PLOD1: variants seen among roughly 807,000 people sequenced by gnomAD.
PLOD1 encodes the protein lysine hydroxylase.
In PLOD1, 70 loss-of-function variants were observed where a neutral mutation model predicts 94.7. That is an observed-to-expected ratio of 0.74 (90% CI 0.61 to 0.90). The LOEUF is 0.90. Among genes scored for constraint, PLOD1 ranks in the 40% least tolerant of loss-of-function variants. The probability of loss-of-function intolerance (pLI) is 0.00; values close to 1 mark genes in which losing one functional copy is unlikely to be tolerated. For synonymous variants in PLOD1, 417 were observed against 400.2 expected (o/e 1.04, Z -0.50); for missense variants, 905 against 972.7 (o/e 0.93, Z 0.93).
intron 9 of PLOD1, among the ~76,000 whole-genome samples, chr1:11,959,423 G>A (rs570361892): frequency 6.7e-6 from 1 of 149,876 alleles, no homozygotes; most frequent in South Asian, 2.1e-4. Context: ...GTACCTGGTG[G>A]CAGTCAAATT....
At chr1:11,937,650 G>A (rs1196963257) in intron 1 of PLOD1, among the ~76,000 whole-genome samples, 3 of 152,186 alleles carry the variant, frequency 2.0e-5, no homozygotes, top group African/African-American at 7.2e-5. Flanking sequence ...GGACCAGACT[G>A]ATGACAGGGC....
At chr1:11,941,486 A>G (rs1333398321) in intron 1 of PLOD1, among the ~76,000 whole-genome samples, 1 of 149,656 alleles carries the variant, frequency 6.7e-6, no homozygotes, top group East Asian at 2.0e-4. Context: ...TATTATTATT[A>G]TTATTATTTT....
At position 11,934,850 on chromosome 1, in the gene PLOD1, C is replaced by T. The variant is rs1438879558; in HGVS notation, c.71C>T (p.Pro24Leu). ...GCCGAAGCGAAGGGCGACGCCAAGC[C>T]GGAGGGTGAGGGAGCGAAGGCCGGG... is the stretch of plus-strand genomic sequence containing the variant. ...LLAEAKGDAK[P>L]EDNLLVLTVA... is the part of the protein sequence containing the mutation. Residue 24 changes from proline (P) to leucine (L), a missense_variant, in exon 1 of 19, where the codon CCG becomes CTG. Transcript: ENST00000196061. 1.3e-6 allele frequency: 2 copies of T among 1,538,530 alleles called. No homozygotes were observed. The highest frequency in any genetic ancestry group is 1.7e-6 in the Non-Finnish European group (2 of 1,145,368).
chr1:11,935,673 G>A (rs1645573378), intron 1 of PLOD1, among the ~76,000 whole-genome samples: 1 of 149,346 alleles, frequency 6.7e-6, no homozygotes, highest in Non-Finnish European at 1.5e-5. Context: ...CGCCCAGGCT[G>A]GAATGCAGTG....
chr1:11,969,791 C>A (rs1645847682), intron 16 of PLOD1, among the ~76,000 whole-genome samples: 1 of 152,174 alleles, frequency 6.6e-6, no homozygotes. Context: ...TCAAGGCCAG[C>A]AAGAGACAGA....
At chr1:11,950,575 T>A (rs1055941191) in intron 4 of PLOD1, 55 bp downstream of exon 4, 20 of 1,545,518 alleles carry the variant, frequency 1.3e-5, no homozygotes, top group Middle Eastern at 2.2e-4. Context: ...ATCTACTGCC[T>A]TTGTGGGGAC....
Position 11,952,705 on chromosome 1 carries a change from C to T in PLOD1, c.549C>T (p.Tyr183=). The T allele has an allele frequency of 1.2e-6, 2 of 1,613,876 alleles. No homozygotes were observed. Among genetic ancestry groups the T allele is most frequent in the Non-Finnish European group, 1.7e-6 (2 of 1,179,770 alleles). ...GQDSDSDQLF[Y]TKIFLDPEKR... is the part of the protein sequence containing the mutation. ...ACAGCGACAGCGATCAGCTGTTTTA[C>T]ACCAAGATCTTCTTGGACCCGGAGA... The change falls in exon 5 of 19, where the codon TAC becomes TAT. Residue 183 remains tyrosine (Y), a synonymous_variant. Coordinates refer to ENST00000196061, the MANE Select transcript of PLOD1 (RefSeq NM_000302.4).
At chr1:11,969,903 T>C (rs776654154) in intron 16 of PLOD1, among the ~76,000 whole-genome samples, 1 of 152,042 alleles carries the variant, frequency 6.6e-6, no homozygotes, top group Non-Finnish European at 1.5e-5. Context: ...GTCCAGGGGT[T>C]TAAGACCAGC....
chr1:11,964,213 T>A lies in PLOD1; in HGVS notation c.1241T>A (p.Leu414Gln). 1 of 1,613,156 alleles carries A rather than the reference T, an allele frequency of 6.2e-7. No individual in the cohort carries two copies. The change falls in exon 12 of 19, where the codon CTG becomes CAG. Residue 414 changes from leucine (L) to glutamine (Q), a missense_variant. Transcript: ENST00000196061. ...CCGCTGATGACCCGGCATGGGAGGCTGTGGTCGAACTTCTGGGGGGCTCTC... is the reference window on the plus strand; with the variant it reads ...CCGCTGATGACCCGGCATGGGAGGCAGTGGTCGAACTTCTGGGGGGCTCTC... ...IAPLMTRHGRLWSNFWGALSA... is the reference protein window; with the variant it reads ...IAPLMTRHGRQWSNFWGALSA...
chr1:11,953,559 A>T (rs1645718053), intron 5 of PLOD1, among the ~76,000 whole-genome samples: 1 of 151,586 alleles, frequency 6.6e-6, no homozygotes, highest in Non-Finnish European at 1.5e-5. Context: ...TTGGAGGCCA[A>T]AGCGGGTGGA....
rs374597380 is a variant in PLOD1, at chr1:11,947,994, C to T, written c.95C>T (p.Thr32Met). 14 of 1,612,126 alleles carry T rather than the reference C, an allele frequency of 8.7e-6. No homozygotes were observed. Among genetic ancestry groups the T allele is most frequent in the Middle Eastern group, 1.6e-4 (1 of 6,078 alleles). The change falls in exon 2 of 19, where the codon ACG becomes ATG. Residue 32 changes from threonine (T) to methionine (M), a missense_variant. Transcript: ENST00000196061. The stretch of plus-strand genomic sequence containing the variant: ...TCTGCAGACAACCTTTTAGTCCTCA[C>T]GGTGGCCACTAAGGAGACCGAGGGA... ...AKPEDNLLVL[T>M]VATKETEGFR...
Position 11,952,752 on chromosome 1 carries a change from G to A in PLOD1, c.579+17G>A, listed in dbSNP as rs181015965. Reference sequence around the variant, plus strand: ...GAGAAGAGGGTAAGAGGCAGTGGGCGGGCCAAGGAGAGGGGGCTGGGGATC... The same window carrying A: ...GAGAAGAGGGTAAGAGGCAGTGGGCAGGCCAAGGAGAGGGGGCTGGGGATC... On this transcript the variant is annotated intron_variant, in intron 5 of 18. Coordinates refer to ENST00000196061, the MANE Select transcript of PLOD1 (RefSeq NM_000302.4). The A allele has an allele frequency of 7.1e-4, 1,118 of 1,568,090 alleles. 1 individual carries two copies. The highest frequency in any genetic ancestry group is 3.7e-3 in the Middle Eastern group (22 of 5,960).
At chr1:11,968,421 GAA>G (rs1485142918) in intron 16 of PLOD1, among the ~76,000 whole-genome samples, 3 of 151,976 alleles carry the variant, frequency 2.0e-5, no homozygotes, top group African/African-American at 7.2e-5. Context: ...TCACAGAAGA[GAA>G]ACTGCAGAAA....
chr1:11,970,724 A>T lies in PLOD1; in HGVS notation c.1810A>T (p.Asn604Tyr). 6.2e-7 allele frequency: 1 copy of T among 1,612,794 alleles called. No homozygotes were observed. Among genetic ancestry groups the T allele is most frequent in the Non-Finnish European group, 8.5e-7 (1 of 1,179,854 alleles). Residue 604 changes from asparagine to tyrosine, a missense_variant, in exon 17 of 19, where the codon AAC becomes TAC. Transcript: ENST00000196061. The stretch of plus-strand genomic sequence containing the variant: ...CGTGCCGACTATTGACATCCACATG[A>T]ACCAGATCGGCTTTGAGCGGGAGTG... The part of the protein sequence containing the change: ...ENVPTIDIHM[N>Y]QIGFEREWHK...
At chr1:11,961,470 C>T (rs1383443766) in intron 10 of PLOD1, among the ~76,000 whole-genome samples, 4 of 152,216 alleles carry the variant, frequency 2.6e-5, no homozygotes, top group Non-Finnish European at 5.9e-5. Context: ...GGCAAACTTC[C>T]TGCTAAGGAT....
At chr1:11,948,214 A>G in intron 2 of PLOD1, 147 bp downstream of exon 2, 1 of 699,244 alleles carries the variant, frequency 1.4e-6, no homozygotes, top group Non-Finnish European at 2.6e-6. Flanking sequence ...AAAATGAGTT[A>G]GTCGGGAATG....
chr1:11,950,390 G>A lies in PLOD1; in HGVS notation c.336G>A (p.Glu112=), dbSNP rs746999816. The A allele has an allele frequency of 2.5e-6, 4 of 1,614,186 alleles. No individual in the cohort carries two copies. In the East Asian group the frequency reaches 6.7e-5, roughly 27 times the overall value. ...TGCTGTTTGCATCGGGGCCCCGGGA[G>A]CTCCTGAAGAAGTTCCGGCAGGCCA... ...YDVLFASGPR[E]LLKKFRQARS... is the part of the protein sequence containing the mutation. The change falls in exon 4 of 19, where the codon GAG becomes GAA. Residue 112 remains glutamate (E), a synonymous_variant. Coordinates refer to ENST00000196061, the MANE Select transcript of PLOD1 (RefSeq NM_000302.4).
intron 5 of PLOD1, among the ~76,000 whole-genome samples, chr1:11,953,715 C>T (rs1169394096): frequency 1.3e-5 from 2 of 151,432 alleles, no homozygotes; most frequent in Admixed American, 6.6e-5. Context: ...TTGCTTGGAC[C>T]TGGGAGGCGG....
chr1:11,974,589 T>A, intron 18 of PLOD1, 64 bp from the exon 19 acceptor site: 1 of 1,517,868 alleles, frequency 6.6e-7, no homozygotes, highest in South Asian at 1.2e-5. Context: ...CAGGAGATCA[T>A]GACGGGAGAA....
Sources: gnomAD v4.1 joint callset for allele counts (sites outside exome capture counted in the v4.1 genomes callset) on GRCh38, gnomAD v4.1.1 for gene constraint, MANE v1.5 for transcripts, NCBI Gene and HGNC (gene_info 2026-07-23, HGNC 2026-07-21) for gene names.